CRYBA4: variants seen among roughly 807,000 people sequenced by gnomAD.
The protein encoded by CRYBA4 is beta-crystallin A4.
A neutral mutation model predicts 31.7 loss-of-function variants in CRYBA4; 30 were observed. The observed-to-expected ratio is 0.95, with a 90% CI of 0.71 to 1.28. The LOEUF (loss-of-function observed/expected upper bound fraction) is 1.28. Ranked by LOEUF, CRYBA4 falls within the 50% of genes most tolerant of loss-of-function variation. The probability of loss-of-function intolerance (pLI) is 0.00; values close to 1 mark genes in which losing one functional copy is unlikely to be tolerated. For synonymous variants in CRYBA4, 102 were observed against 102.3 expected (o/e 1.00, Z 0.02); for missense variants, 225 against 260.7 (o/e 0.86, Z 0.94).
At chr22:26,593,771 C>T in the CRYBA4 span, among the ~76,000 whole-genome samples, 1 of 152,180 alleles carries the variant, frequency 6.6e-6, no homozygotes, top group African/African-American at 2.4e-5. Context: ...AGTGATCCAC[C>T]TGTCTTGGAC....
At chr22:26,591,713 C>T in the CRYBA4 span, among the ~76,000 whole-genome samples, 30 of 148,966 alleles carry the variant, frequency 2.0e-4, no homozygotes, top group African/African-American at 7.5e-4. Flanking sequence ...TGCACTCCCA[C>T]CTGGGCGACA....
the CRYBA4 span, among the ~76,000 whole-genome samples, chr22:26,601,180 C>G: frequency 3.3e-5 from 5 of 152,120 alleles, no homozygotes; most frequent in Non-Finnish European, 7.3e-5. Context: ...AGAGACAGAG[C>G]CTTACGTTTA....
At chr22:26,623,116 G>T in intron 2 of CRYBA4, 118 bp from the exon 3 acceptor site, 1 of 848,760 alleles carries the variant, frequency 1.2e-6, no homozygotes, top group South Asian at 1.3e-5. Context: ...CCTGGCTCCT[G>T]GAGGAATCTG....
At chr22:26,620,507 T>C (rs1929498842), upstream of CRYBA4, among the ~76,000 whole-genome samples, 1 of 151,392 alleles carries the variant, frequency 6.6e-6, no homozygotes, top group Non-Finnish European at 1.5e-5. Flanking sequence ...AGAGGGTGCA[T>C]TGTTAACCTT....
chr22:26,616,575 A>G, the CRYBA4 span, among the ~76,000 whole-genome samples: 6 of 152,230 alleles, frequency 3.9e-5, no homozygotes, highest in East Asian at 1.2e-3. Flanking sequence ...GGTTCCCTCC[A>G]CTAGCTGTTC....
At chr22:26,596,616 G>GT in the CRYBA4 span, 26 of 152,256 alleles carry the variant, frequency 1.7e-4, no homozygotes, top group African/African-American at 5.1e-4. Flanking sequence ...TAAAATCATA[G>GT]TGCATCTTAC....
At chr22:26,594,103 G>A in the CRYBA4 span, among the ~76,000 whole-genome samples, 2 of 152,134 alleles carry the variant, frequency 1.3e-5, no homozygotes, top group Non-Finnish European at 2.9e-5. Flanking sequence ...AAAAGTAAGT[G>A]GGCAGGTTTT....
chr22:26,603,029 G>A, the CRYBA4 span, among the ~76,000 whole-genome samples: 1 of 151,232 alleles, frequency 6.6e-6, no homozygotes, highest in African/African-American at 2.4e-5. Flanking sequence ...GGAGGCTGAG[G>A]CAGGAGAATG....
the CRYBA4 span, among the ~76,000 whole-genome samples, chr22:26,602,429 ATTTTTT>A: frequency 6.7e-6 from 1 of 149,754 alleles, no homozygotes; most frequent in Admixed American, 6.7e-5. Flanking sequence ...CAAAAAAATA[ATTTTTT>A]TTTTAATTTG....
chr22:26,605,254 G>A, the CRYBA4 span, among the ~76,000 whole-genome samples: 2 of 152,202 alleles, frequency 1.3e-5, no homozygotes, highest in East Asian at 1.9e-4. Flanking sequence ...TGCAATTGTA[G>A]ATGGATTTTT....
At chr22:26,620,003 C>CA (rs1220395057), upstream of CRYBA4, among the ~76,000 whole-genome samples, 1 of 138,378 alleles carries the variant, frequency 7.2e-6, no homozygotes, top group Non-Finnish European at 1.6e-5. Context: ...TTTTTCTTTT[C>CA]TTTTTTTTTT....
chr22:26,607,918 G>C, the CRYBA4 span: 1 of 1,614,200 alleles, frequency 6.2e-7, no homozygotes, highest in Non-Finnish European at 8.5e-7. Flanking sequence ...GACATGAGCC[G>C]ATCACTGCGG....
At chr22:26,610,391 G>A in the CRYBA4 span, among the ~76,000 whole-genome samples, 3 of 151,994 alleles carry the variant, frequency 2.0e-5, no homozygotes, top group South Asian at 2.1e-4. Context: ...CCAGGCCCCC[G>A]GACCACAGGC....
chr22:26,601,879 G>A, the CRYBA4 span: 5 of 1,611,810 alleles, frequency 3.1e-6, no homozygotes, highest in African/African-American at 2.7e-5. Context: ...GGATGCTTAC[G>A]TTCCACTGGA....
chr22:26,592,138 T>C, the CRYBA4 span, among the ~76,000 whole-genome samples: 2 of 152,322 alleles, frequency 1.3e-5, no homozygotes, highest in Admixed American at 6.5e-5. Flanking sequence ...ATTGCGTGCA[T>C]GTTAGAGACT....
At chr22:26,593,088 T>G in the CRYBA4 span, among the ~76,000 whole-genome samples, 1 of 152,194 alleles carries the variant, frequency 6.6e-6, no homozygotes, top group Non-Finnish European at 1.5e-5. Flanking sequence ...TTGATGTGAC[T>G]TTGAAGGCAG....
At chr22:26,597,852 ATCTTTCACACT>A in the CRYBA4 span, among the ~76,000 whole-genome samples, 1 of 152,248 alleles carries the variant, frequency 6.6e-6, no homozygotes, top group African/African-American at 2.4e-5. Flanking sequence ...TGGTGCAAAC[ATCTTTCACACT>A]TTTCTTTGTT....
the CRYBA4 span, among the ~76,000 whole-genome samples, chr22:26,616,952 A>G: frequency 6.6e-6 from 1 of 152,206 alleles, no homozygotes; most frequent in Non-Finnish European, 1.5e-5. Flanking sequence ...TGATTTATTC[A>G]CCGTCCATCC....
the CRYBA4 span, among the ~76,000 whole-genome samples, chr22:26,610,038 G>A: frequency 1.3e-5 from 1 of 77,732 alleles, no homozygotes; most frequent in East Asian, 3.9e-4. Context: ...CACTGATGTG[G>A]TCTTGCCACC....
Sources: gnomAD v4.1 joint callset for allele counts (sites outside exome capture counted in the v4.1 genomes callset) on GRCh38, gnomAD v4.1.1 for gene constraint, MANE v1.5 for transcripts, NCBI Gene and HGNC (gene_info 2026-07-23, HGNC 2026-07-21) for gene names.